Variants in DENND1B observed in about 807,000 individuals in gnomAD.
DENND1B encodes DENN domain-containing protein 1B.
Under a neutral mutation model 90.1 loss-of-function variants are expected in DENND1B, and 59 were observed. That is an observed-to-expected ratio of 0.65 (90% CI 0.53 to 0.81). DENND1B has a LOEUF of 0.81. Among genes scored for constraint, DENND1B ranks in the 40% least tolerant of loss-of-function variants. The pLI is 0.00. For missense variants in DENND1B, 862 were observed against 912.6 expected (o/e 0.94, Z 0.71); for synonymous variants, 337 against 324.6 (o/e 1.04, Z -0.41).
chr1:197,602,801 C>T (rs1202515215), intron 13 of DENND1B, among the ~76,000 whole-genome samples: 1 of 151,376 alleles, frequency 6.6e-6, no homozygotes, highest in Non-Finnish European at 1.5e-5. Context: ...TTAATAAATT[C>T]ACTTGAATGT....
chr1:197,746,944 G>T, intron 2 of DENND1B: 1 of 1,401,536 alleles, frequency 7.1e-7, no homozygotes, highest in Non-Finnish European at 1.0e-6. Flanking sequence ...GAGTTCCTCA[G>T]TCTTCTCAAT....
chr1:197,546,116 T>G, intron 17 of DENND1B, 126 bp from the exon 18 acceptor site: 2 of 497,944 alleles, frequency 4.0e-6, no homozygotes, highest in Non-Finnish European at 6.1e-6. Context: ...CCTATACAAA[T>G]TATTTCATGT....
chr1:197,635,043 A>T (rs1410745449), intron 10 of DENND1B, among the ~76,000 whole-genome samples: 1 of 151,986 alleles, frequency 6.6e-6, no homozygotes, highest in Non-Finnish European at 1.5e-5. Context: ...AAGGAAGGGA[A>T]GGAAGGAGGA....
chr1:197,543,882 A>G (rs1479351036), intron 18 of DENND1B, among the ~76,000 whole-genome samples: 1 of 152,174 alleles, frequency 6.6e-6, no homozygotes, highest in African/African-American at 2.4e-5. Flanking sequence ...GAAGTTCTAA[A>G]CTTTTATTAA....
intron 20 of DENND1B, among the ~76,000 whole-genome samples, chr1:197,526,473 G>T (rs1216954732): frequency 6.6e-6 from 1 of 152,030 alleles, no homozygotes; most frequent in Non-Finnish European, 1.5e-5. Context: ...CAGAATATAG[G>T]GAGGAAAAAA....
chr1:197,581,489 A>G (rs942897788), intron 15 of DENND1B, among the ~76,000 whole-genome samples: 11 of 152,202 alleles, frequency 7.2e-5, no homozygotes, highest in African/African-American at 2.7e-4. Flanking sequence ...CTGAGCATCA[A>G]CAAGGCACCA....
At chr1:197,704,700 T>G (rs1040997427) in intron 3 of DENND1B, among the ~76,000 whole-genome samples, 1 of 152,172 alleles carries the variant, frequency 6.6e-6, no homozygotes, top group Non-Finnish European at 1.5e-5. Flanking sequence ...CTCCATGTTA[T>G]GAAAAATGGA....
At chr1:197,651,401 C>T (rs1385737439) in intron 7 of DENND1B, among the ~76,000 whole-genome samples, 1 of 152,010 alleles carries the variant, frequency 6.6e-6, no homozygotes, top group Non-Finnish European at 1.5e-5. Context: ...TCTATCCCAT[C>T]ACAGGCTTGT....
intron 2 of DENND1B, chr1:197,757,170 G>T (rs1654420700): frequency 6.6e-6 from 1 of 151,954 alleles, no homozygotes; most frequent in African/African-American, 2.4e-5. Context: ...ATCATCATAG[G>T]TTTACAGAAG....
intron 2 of DENND1B, among the ~76,000 whole-genome samples, chr1:197,758,017 C>T (rs531078147): frequency 9.9e-5 from 15 of 152,262 alleles, no homozygotes; most frequent in African/African-American, 3.6e-4. Flanking sequence ...AAAACTTACA[C>T]ATATATGGAA....
intron 15 of DENND1B, among the ~76,000 whole-genome samples, chr1:197,568,704 C>G (rs1672899072): frequency 6.6e-6 from 1 of 152,020 alleles, no homozygotes. Context: ...CATACATTTC[C>G]CATCAACTGA....
chr1:197,643,178 T>G (rs1472245379), intron 9 of DENND1B, among the ~76,000 whole-genome samples: 1 of 151,994 alleles, frequency 6.6e-6, no homozygotes, highest in African/African-American at 2.4e-5. Flanking sequence ...TCTGCTTTTT[T>G]TTTTTCTTTT....
At chr1:197,609,393 T>G (rs1054054238) in intron 12 of DENND1B, among the ~76,000 whole-genome samples, 1 of 150,696 alleles carries the variant, frequency 6.6e-6, no homozygotes, top group East Asian at 1.9e-4. Flanking sequence ...TTAGAATCCA[T>G]TGTATATTAA....
chr1:197,548,122 T>C (rs1434375372), intron 16 of DENND1B, among the ~76,000 whole-genome samples: 1 of 152,214 alleles, frequency 6.6e-6, no homozygotes. Flanking sequence ...AAACTAGCTA[T>C]GATAAAAGTT....
chr1:197,733,148 A>C (rs1662305147), intron 2 of DENND1B, among the ~76,000 whole-genome samples: 1 of 152,230 alleles, frequency 6.6e-6, no homozygotes, highest in Admixed American at 6.5e-5. Context: ...ACAGAAGTCT[A>C]TAATGGAGCT....
intron 2 of DENND1B, among the ~76,000 whole-genome samples, chr1:197,748,158 A>T (rs1652947743): frequency 6.6e-6 from 1 of 152,094 alleles, no homozygotes; most frequent in African/African-American, 2.4e-5. Context: ...AAAATGTGAT[A>T]CTTAGTTAAA....
intron 10 of DENND1B, among the ~76,000 whole-genome samples, chr1:197,636,255 G>A (rs1230264843): frequency 6.6e-6 from 1 of 152,094 alleles, no homozygotes; most frequent in Non-Finnish European, 1.5e-5. Flanking sequence ...TATTCAAAAT[G>A]AGAGAAAGGT....
intron 2 of DENND1B, among the ~76,000 whole-genome samples, chr1:197,733,200 G>A (rs956078924): frequency 1.3e-5 from 2 of 152,120 alleles, no homozygotes; most frequent in African/African-American, 4.8e-5. Flanking sequence ...ACTGTTTCCT[G>A]CATTTATAGT....
intron 3 of DENND1B, among the ~76,000 whole-genome samples, chr1:197,695,695 G>A (rs536956442): frequency 6.7e-6 from 1 of 148,434 alleles, no homozygotes; most frequent in South Asian, 2.1e-4. Context: ...AATTATTTCT[G>A]TCTCATGTAA....
Sources: allele counts gnomAD v4.1 joint callset (sites outside exome capture counted in the v4.1 genomes callset), GRCh38; gene constraint gnomAD v4.1.1; transcripts MANE v1.5; gene names NCBI Gene and HGNC (gene_info 2026-07-23, HGNC 2026-07-21).